MCOLN1: variants seen among roughly 807,000 people sequenced by gnomAD.
MCOLN1 encodes the protein mucolipin TRP cation channel 1.
Under a neutral mutation model 70.3 loss-of-function variants are expected in MCOLN1, and 50 were observed. The observed-to-expected ratio is 0.71, with a 90% CI of 0.57 to 0.90. The LOEUF (loss-of-function observed/expected upper bound fraction) is 0.90, where lower values mean the gene tolerates loss of function less well. MCOLN1 is among the 40% of genes least tolerant of loss of function. MCOLN1 has a pLI of 0.00. For missense variants in MCOLN1, 598 were observed against 803.5 expected, an observed-to-expected ratio of 0.74 and a Z score of 3.09; for synonymous variants, 366 against 341.0, an observed-to-expected ratio of 1.07 and a Z score of -0.81.
rs568674506 is a variant in MCOLN1 at position 7,528,443 on chromosome 19, G to A, written c.878-154G>A. Among the ~76,000 whole-genome samples, 250 of 152,196 alleles carry A rather than the reference G, an allele frequency of 1.6e-3. No individual in the cohort carries two copies. The highest frequency in any genetic ancestry group is 1.4e-3 in the Non-Finnish European group (94 of 67,986). ...CCCAAGCCCCAGACCAGCACTGACC[G>A]GGGTTCTTGACTCACCCCAAGCAAG... On this transcript the variant is annotated intron_variant, in intron 7 of 13. Coordinates refer to ENST00000264079, the MANE Select transcript of MCOLN1 (RefSeq NM_020533.3). This position sits in a 1 kb window ranked among gnomAD's most constrained non-coding sequence, Gnocchi z 4.2.
Position 7,526,182 on chromosome 19 carries a change from C to T in MCOLN1, c.238-257C>T. 1 of 573,660 alleles carries T rather than the reference C, an allele frequency of 1.7e-6. No homozygotes were observed. Among genetic ancestry groups the T allele is most frequent in the Non-Finnish European group, 3.1e-6 (1 of 319,302 alleles). The allele number at this position is 573,660 out of a possible 1,614,324, so 35.5% of individuals were successfully genotyped here. On this transcript the variant is annotated intron_variant, in intron 2 of 13. Transcript: ENST00000264079. The surrounding 1 kb of genome is among the most constrained non-coding windows in gnomAD (Gnocchi z 4.6). Reference sequence around the variant, plus strand: ...AGTCCCTGCAGTGAGATAGATGAGTCCCCACCCTGTGTTGTACGGGGGAGG... The same window carrying T: ...AGTCCCTGCAGTGAGATAGATGAGTTCCCACCCTGTGTTGTACGGGGGAGG...
Position 7,528,503 on chromosome 19 carries a change from C to T in MCOLN1, c.878-94C>T. The stretch of plus-strand genomic sequence containing the variant: ...CACTGACCAACCAAAACCAGCCGTG[C>T]AGCCCCCTAGGTCTCCAGCCTGGCC... On this transcript the variant is annotated intron_variant, in intron 7 of 13. Coordinates refer to ENST00000264079, the MANE Select transcript of MCOLN1 (RefSeq NM_020533.3). This position sits in a 1 kb window ranked among gnomAD's most constrained non-coding sequence, Gnocchi z 4.2. 6.5e-7 allele frequency: 1 copy of T among 1,529,598 alleles called. No homozygotes were observed. Among genetic ancestry groups the T allele is most frequent in the South Asian group, 1.2e-5 (1 of 86,330 alleles). 94.8% of individuals were successfully genotyped at this position (1,529,598 alleles called of 1,614,324 possible).
chr19:7,530,553 T>C (rs763627136), intron 12 of MCOLN1, 52 bp downstream of exon 12: 1 of 1,518,924 alleles, frequency 6.6e-7, no homozygotes, highest in South Asian at 1.1e-5. Context: ...CCCTGGAGTC[T>C]GCCATGAGGG....
rs768736321 is a variant in MCOLN1, at chr19:7,527,845, A to C, written c.681-19A>C. On this transcript the variant is annotated intron_variant, in intron 5 of 13. Transcript: ENST00000264079. The stretch of plus-strand genomic sequence containing the variant: ...GGACCCGAAGACGCCCCTGACCCTC[A>C]CCCGAGCCTCCTGCCTAGGCTGGTC... 59 of 1,602,154 alleles carry C rather than the reference A, an allele frequency of 3.7e-5. No homozygotes were observed. The highest frequency in any genetic ancestry group is 5.0e-5 in the Non-Finnish European group (58 of 1,169,466).
Position 7,533,575 on chromosome 19 carries a change from A to C in MCOLN1, c.1628A>C (p.Gln543Pro). 1 of 1,612,820 alleles carries C rather than the reference A, an allele frequency of 6.2e-7. No homozygotes were observed. The highest frequency in any genetic ancestry group is 1.1e-5 in the South Asian group (1 of 91,040). ...EESELQAYIA[Q>P]CQDSPTSGKF... ...AGCGAGCTGCAGGCCTACATCGCACAGTGCCAGGACAGCCCCACCTCCGGC... is the reference window on the plus strand; with the variant it reads ...AGCGAGCTGCAGGCCTACATCGCACCGTGCCAGGACAGCCCCACCTCCGGC... The change falls in exon 13 of 14, where the codon CAG becomes CCG. Residue 543 changes from glutamine (Q) to proline (P), a missense_variant. Gln to Pro is a moderately conservative substitution (Grantham distance 76, BLOSUM62 -1). Coordinates refer to ENST00000264079, the MANE Select transcript of MCOLN1 (RefSeq NM_020533.3).
At position 7,533,923 on chromosome 19, in the gene MCOLN1, C is replaced by G. The variant is rs1246943107; in HGVS notation, c.*128C>G. The G allele has an allele frequency of 1.4e-5, 16 of 1,128,082 alleles. No homozygotes were observed. In the Admixed American group the frequency reaches 3.1e-4, roughly 22 times the overall value. 69.9% of individuals were successfully genotyped at this position (1,128,082 alleles called of 1,614,324 possible). A position where few individuals can be genotyped will look rare whatever the true frequency, so the allele number is the denominator to read the frequency against. ...TGTCGCGCCCGAGGAGGGCCTGGAC[C>G]TTTCGTGTCGGACCCTTGGGGGCGG... On this transcript the variant is annotated 3_prime_UTR_variant, in exon 14 of 14. Coordinates refer to ENST00000264079, the MANE Select transcript of MCOLN1 (RefSeq NM_020533.3).
intron 10 of MCOLN1, 53 bp from the exon 11 acceptor site, chr19:7,529,537 C>A: frequency 6.3e-7 from 1 of 1,589,002 alleles, no homozygotes; most frequent in Non-Finnish European, 8.5e-7. Context: ...GTGCCCACAG[C>A]TGACCTGAGT....
In MCOLN1 at chr19:7,526,846, C is replaced by T. The variant is rs979706702; in HGVS notation, c.491C>T (p.Ala164Val). Residue 164 changes from alanine (A) to valine (V), a missense_variant, in exon 4 of 14, where the codon GCT becomes GTT. Physicochemically the swap from Ala to Val is moderately conservative, Grantham distance 64. Around this residue, in one of 3 missense-constraint regions of MCOLN1, gnomAD observed 461 missense variants for 588.4 expected, o/e 0.78. Transcript: ENST00000264079. This position sits in a 1 kb window ranked among gnomAD's most constrained non-coding sequence, Gnocchi z 4.6. ...GDPWTNGSGL[A>V]LCQRYYHRGH... The stretch of plus-strand genomic sequence containing the variant: ...CCTTGGACCAATGGCTCAGGGCTTG[C>T]TCTCTGCCAGCGGTACTACCACCGA... 1 of 1,614,128 alleles carries T rather than the reference C, an allele frequency of 6.2e-7. No homozygotes were observed.
intron 11 of MCOLN1, 96 bp downstream of exon 11, chr19:7,529,808 G>A (rs1437034573): frequency 4.1e-6 from 6 of 1,445,962 alleles, no homozygotes; most frequent in Non-Finnish European, 5.8e-6. Flanking sequence ...CTGGGAGTCT[G>A]TCCACTGTCC....
chr19:7,526,317 C>T lies in MCOLN1; in HGVS notation c.238-122C>T. On this transcript the variant is annotated intron_variant, in intron 2 of 13. Transcript: ENST00000264079. This position sits in a 1 kb window ranked among gnomAD's most constrained non-coding sequence, Gnocchi z 4.6. Reference sequence around the variant, plus strand: ...TGTTTGTGGCCCAAGTTAGCAGGGCCCTGCCCCACCCCAGTGGACATCTGC... The same window carrying T: ...TGTTTGTGGCCCAAGTTAGCAGGGCTCTGCCCCACCCCAGTGGACATCTGC... 8.5e-7 allele frequency: 1 copy of T among 1,177,636 alleles called. No individual in the cohort carries two copies. The highest frequency in any genetic ancestry group is 1.3e-6 in the Non-Finnish European group (1 of 785,930). The allele number at this position is 1,177,636 out of a possible 1,614,324, so 72.9% of individuals were successfully genotyped here.
chr19:7,533,516 T>TC lies in MCOLN1; in HGVS notation c.1576-3dup, dbSNP rs762591325. 6.8e-6 allele frequency: 11 copies of TC among 1,610,596 alleles called. No homozygotes were observed. Among genetic ancestry groups the TC allele is most frequent in the South Asian group, 3.3e-5 (3 of 90,962 alleles). Reference sequence around the variant, plus strand: ...TTCAGGCTGAGCCTCCCGGCTTCTCTCCCCAGCATCCCGGCGGCGCAGGCG... The same window carrying TC: ...TTCAGGCTGAGCCTCCCGGCTTCTCTCCCCCAGCATCCCGGCGGCGCAGGCG... On this transcript the variant is annotated splice_polypyrimidine_tract_variant and splice_region_variant and intron_variant, in intron 12 of 13. Coordinates refer to ENST00000264079, the MANE Select transcript of MCOLN1 (RefSeq NM_020533.3).
At chr19:7,527,309 TGTGA>T (rs1337206334) in intron 4 of MCOLN1, 1 of 591,230 alleles carries the variant, frequency 1.7e-6, no homozygotes, top group East Asian at 2.9e-5. Flanking sequence ...GTATGCTTAG[TGTGA>T]GTGTGACTCT....
At chr19:7,532,013 G>C (rs1211266453) in intron 12 of MCOLN1, among the ~76,000 whole-genome samples, 1 of 152,228 alleles carries the variant, frequency 6.6e-6, no homozygotes, top group African/African-American at 2.4e-5. Context: ...AGGGCTGTCT[G>C]ATTCCAGAAG....
chr19:7,533,392 A>G, intron 12 of MCOLN1, 131 bp from the exon 13 acceptor site: 1 of 1,216,884 alleles, frequency 8.2e-7, no homozygotes, highest in African/African-American at 1.5e-5. Flanking sequence ...CAACGGGTGG[A>G]GCAGGCCCAG....
In MCOLN1 at chr19:7,524,035, A is replaced by G. The variant is rs555574029; in HGVS notation, c.32-926A>G. Among the ~76,000 whole-genome samples, 2 of 152,212 alleles carry G rather than the reference A, an allele frequency of 1.3e-5. No individual in the cohort carries two copies. Among genetic ancestry groups the G allele is most frequent in the Admixed American group, 1.3e-4 (2 of 15,290 alleles). ...CCGTCACACCTGACTATTTAAAAAAAATGTTTTTTTTTTGTAGACAGGGAG... is the reference window on the plus strand; with the variant it reads ...CCGTCACACCTGACTATTTAAAAAAGATGTTTTTTTTTTGTAGACAGGGAG... On this transcript the variant is annotated intron_variant, in intron 1 of 13. Transcript: ENST00000264079. The surrounding 1 kb of genome is among the most constrained non-coding windows in gnomAD (Gnocchi z 4.1).
Position 7,528,567 on chromosome 19 carries a change from T to G in MCOLN1, c.878-30T>G. 6.2e-7 allele frequency: 1 copy of G among 1,613,570 alleles called. No homozygotes were observed. The highest frequency in any genetic ancestry group is 2.2e-5 in the East Asian group (1 of 44,876). On this transcript the variant is annotated intron_variant, in intron 7 of 13. Coordinates refer to ENST00000264079, the MANE Select transcript of MCOLN1 (RefSeq NM_020533.3). This position sits in a 1 kb window ranked among gnomAD's most constrained non-coding sequence, Gnocchi z 4.2. Reference sequence around the variant, plus strand: ...AGCCTCCCAAGGCTCCATGCCATCCTTGGCCCTACCCGCTCTGCCCTCCCC... The same window carrying G: ...AGCCTCCCAAGGCTCCATGCCATCCGTGGCCCTACCCGCTCTGCCCTCCCC...
chr19:7,533,542 C>T lies in MCOLN1; in HGVS notation c.1595C>T (p.Ala532Val), dbSNP rs761422087. 6.2e-7 allele frequency: 1 copy of T among 1,611,520 alleles called. No homozygotes were observed. Among genetic ancestry groups the T allele is most frequent in the Non-Finnish European group, 8.5e-7 (1 of 1,179,872 alleles). Residue 532 changes from alanine (A) to valine (V), a missense_variant, in exon 13 of 14, where the codon GCA becomes GTA. Ala to Val is a moderately conservative substitution (Grantham distance 64). Transcript: ENST00000264079. Reference sequence around the variant, plus strand: ...CCCCAGCATCCCGGCGGCGCAGGCGCAGAGGAGAGCGAGCTGCAGGCCTAC... The same window carrying T: ...CCCCAGCATCCCGGCGGCGCAGGCGTAGAGGAGAGCGAGCTGCAGGCCTAC... ...DTIKHPGGAG[A>V]EESELQAYIA... is the part of the protein sequence containing the mutation.
Position 7,526,758 on chromosome 19 carries a change from C to T in MCOLN1, c.406-3C>T, listed in dbSNP as rs1481075430. 1.2e-6 allele frequency: 2 copies of T among 1,613,700 alleles called. No homozygotes were observed. The highest frequency in any genetic ancestry group is 1.3e-5 in the African/African-American group (1 of 74,922). On this transcript the variant is annotated splice_region_variant and splice_polypyrimidine_tract_variant and intron_variant, in intron 3 of 13. Coordinates refer to ENST00000264079, the MANE Select transcript of MCOLN1 (RefSeq NM_020533.3). This position sits in a 1 kb window ranked among gnomAD's most constrained non-coding sequence, Gnocchi z 4.6. ...CACAGGCCCTCCCCTTCTCTGCCCACAGTACCTGGCGTTGCCTGACGTGTC... is the reference window on the plus strand; with the variant it reads ...CACAGGCCCTCCCCTTCTCTGCCCATAGTACCTGGCGTTGCCTGACGTGTC...
intron 5 of MCOLN1, 71 bp from the exon 6 acceptor site, chr19:7,527,793 G>C: frequency 7.6e-7 from 1 of 1,315,224 alleles, no homozygotes; most frequent in Non-Finnish European, 1.1e-6. Flanking sequence ...GCACGTGGCA[G>C]GGGACGCTGG....
Sources: gnomAD v4.1 joint callset for allele counts (sites outside exome capture counted in the v4.1 genomes callset) on GRCh38, gnomAD v4.1.1 for gene constraint, gnomAD v4.1.1 regional missense constraint, Gnocchi (gnomAD v3.1) non-coding constraint, MANE v1.5 for transcripts, NCBI Gene and HGNC (gene_info 2026-07-23, HGNC 2026-07-21) for gene names.